The following SATB2 variants were observed in gnomAD, a reference collection of about 807,000 sequenced individuals.
SATB2 encodes SATB homeobox 2.
Under a neutral mutation model 73.4 loss-of-function variants are expected in SATB2, and 1 was observed. The observed-to-expected ratio is 0.01, with a 90% CI of 0.00 to 0.06. The LOEUF (loss-of-function observed/expected upper bound fraction) is 0.06. Among genes scored for constraint, SATB2 ranks in the 10% least tolerant of loss-of-function variants. SATB2 has a pLI of 1.00. For missense variants in SATB2, 459 were observed against 945.8 expected (o/e 0.49, Z 6.75); for synonymous variants, 397 against 367.0 (o/e 1.08, Z -0.93).
chr2:199,355,243 G>A (rs923682231), intron 6 of SATB2, among the ~76,000 whole-genome samples: 33 of 146,422 alleles, frequency 2.3e-4, no homozygotes, highest in African/African-American at 8.4e-4. Flanking sequence ...TATATACAAG[G>A]ATGTGTGTAT....
intron 7 of SATB2, among the ~76,000 whole-genome samples, chr2:199,331,694 A>G (rs1688194754): frequency 6.6e-6 from 1 of 152,158 alleles, no homozygotes; most frequent in African/African-American, 2.4e-5. Context: ...TTTTTTAAAA[A>G]TGTAGTCCAA....
intron 2 of SATB2, among the ~76,000 whole-genome samples, chr2:199,449,100 T>C (rs1224538049): frequency 6.6e-6 from 1 of 152,170 alleles, no homozygotes; most frequent in Admixed American, 6.6e-5. Flanking sequence ...TTTTAGGCAT[T>C]TGTCAAACTA....
At chr2:199,445,475 G>A (rs1691936911) in intron 2 of SATB2, among the ~76,000 whole-genome samples, 1 of 152,128 alleles carries the variant, frequency 6.6e-6, no homozygotes, top group East Asian at 1.9e-4. Context: ...AGTTTCTTGG[G>A]AACTAATGAC....
At chr2:199,345,655 C>T (rs1193634151) in intron 7 of SATB2, among the ~76,000 whole-genome samples, 1 of 152,170 alleles carries the variant, frequency 6.6e-6, no homozygotes, top group African/African-American at 2.4e-5. Flanking sequence ...CACTTTCTGT[C>T]CATTTTATTT....
intron 2 of SATB2, among the ~76,000 whole-genome samples, chr2:199,451,697 C>A (rs906905016): frequency 6.6e-6 from 1 of 152,148 alleles, no homozygotes; most frequent in Non-Finnish European, 1.5e-5. Flanking sequence ...ACACCTGACC[C>A]GAACTGCATT....
At chr2:199,420,899 T>C (rs937118834) in intron 3 of SATB2, among the ~76,000 whole-genome samples, 14 of 152,180 alleles carry the variant, frequency 9.2e-5, no homozygotes, top group African/African-American at 3.1e-4. Flanking sequence ...CATAAATTGA[T>C]ATTTTTGGTT....
At chr2:199,433,004 C>T (rs1691548230) in intron 3 of SATB2, among the ~76,000 whole-genome samples, 1 of 152,084 alleles carries the variant, frequency 6.6e-6, no homozygotes, top group South Asian at 2.1e-4. Flanking sequence ...AAACTGAATG[C>T]TTTATAAGTC....
chr2:199,430,654 T>G (rs533237490), intron 3 of SATB2, among the ~76,000 whole-genome samples: 1 of 152,320 alleles, frequency 6.6e-6, no homozygotes, highest in Admixed American at 6.5e-5. Context: ...TTAGTAGAAT[T>G]TCTATCATTC....
intron 3 of SATB2, among the ~76,000 whole-genome samples, chr2:199,399,096 T>C (rs1690390158): frequency 6.6e-6 from 1 of 151,836 alleles, no homozygotes; most frequent in East Asian, 1.9e-4. Flanking sequence ...CATGACAAAA[T>C]CCCATCTCTA....
At chr2:199,451,864 C>T (rs112718070) in intron 2 of SATB2, among the ~76,000 whole-genome samples, 1 of 2,376 alleles carries the variant, frequency 4.2e-4, no homozygotes, top group Non-Finnish European at 0.036. Flanking sequence ...TGATTTTTTT[C>T]CCCCTTGCAA....
At chr2:199,446,099 T>C (rs1691954601) in intron 2 of SATB2, among the ~76,000 whole-genome samples, 1 of 152,180 alleles carries the variant, frequency 6.6e-6, no homozygotes, top group African/African-American at 2.4e-5. Context: ...GATTCCAATT[T>C]CTTCCTTTCT....
chr2:199,442,359 T>G (rs1369452764), intron 2 of SATB2, among the ~76,000 whole-genome samples: 2 of 152,162 alleles, frequency 1.3e-5, no homozygotes, highest in Non-Finnish European at 2.9e-5. Context: ...TGACCACTAT[T>G]GACAGAACTT....
intron 9 of SATB2, among the ~76,000 whole-genome samples, chr2:199,311,163 G>C (rs934448760): frequency 2.0e-5 from 3 of 152,172 alleles, no homozygotes; most frequent in African/African-American, 4.8e-5. Context: ...TTCTGGCACA[G>C]GGAGGTAGCC....
chr2:199,369,421 T>A (rs939665092), intron 5 of SATB2, among the ~76,000 whole-genome samples: 2 of 152,178 alleles, frequency 1.3e-5, no homozygotes, highest in African/African-American at 2.4e-5. Context: ...TAGCCTGACA[T>A]AGCACTGAAA....
intron 3 of SATB2, among the ~76,000 whole-genome samples, chr2:199,387,221 C>T (rs1689988722): frequency 1.3e-5 from 2 of 152,284 alleles, no homozygotes; most frequent in South Asian, 2.1e-4. Context: ...TTTTGAACTA[C>T]TGGGCCAATA....
intron 10 of SATB2, among the ~76,000 whole-genome samples, chr2:199,300,482 C>T (rs538538152): frequency 6.6e-6 from 1 of 151,848 alleles, no homozygotes; most frequent in East Asian, 1.9e-4. Flanking sequence ...GAGTACTTTG[C>T]TATCCCAAAA....
At chr2:199,426,606 C>G (rs1241202164) in intron 3 of SATB2, among the ~76,000 whole-genome samples, 5 of 147,654 alleles carry the variant, frequency 3.4e-5, no homozygotes. Flanking sequence ...CCATTTTAAA[C>G]ATTTTCAATA....
chr2:199,412,224 C>T (rs531839183), intron 3 of SATB2, among the ~76,000 whole-genome samples: 2 of 152,182 alleles, frequency 1.3e-5, no homozygotes, highest in East Asian at 1.9e-4. Flanking sequence ...AAATATTTAA[C>T]AAGGAGGATA....
chr2:199,446,953 G>C (rs982504800), intron 2 of SATB2, among the ~76,000 whole-genome samples: 3 of 152,104 alleles, frequency 2.0e-5, no homozygotes, highest in African/African-American at 7.2e-5. Flanking sequence ...TCCCCCCTAA[G>C]TCTGTCAACT....
Sources: gnomAD v4.1 joint callset for allele counts (sites outside exome capture counted in the v4.1 genomes callset) on GRCh38, gnomAD v4.1.1 for gene constraint, MANE v1.5 for transcripts, NCBI Gene and HGNC (gene_info 2026-07-23, HGNC 2026-07-21) for gene names.